CHD9: variants seen among roughly 807,000 people sequenced by gnomAD.
The protein encoded by CHD9 is ATP-dependent chromatin remodeler CHD9.
In CHD9, 77 loss-of-function variants were observed where a neutral mutation model predicts 316.1. The observed-to-expected ratio is 0.24, with a 90% CI of 0.20 to 0.29. CHD9 has a LOEUF of 0.29. Among genes scored for constraint, CHD9 ranks in the 10% least tolerant of loss-of-function variants. The pLI, the probability that CHD9 is intolerant of heterozygous loss-of-function variation, is 1.00. For synonymous variants in CHD9, 1,129 were observed against 1,158.3 expected (o/e 0.97, Z 0.51); for missense variants, 2,763 against 3,438.1 (o/e 0.80, Z 4.91).
At chr16:53,299,386 G>T (rs79217185) in intron 30 of CHD9, 88 of 166,274 alleles carry the variant, frequency 5.3e-4, no homozygotes, top group African/African-American at 2.0e-3. Flanking sequence ...CAGATTAAAA[G>T]GCATTTTAAT....
chr16:53,177,415 G>A (rs1321396421), intron 2 of CHD9, among the ~76,000 whole-genome samples: 7 of 152,026 alleles, frequency 4.6e-5, no homozygotes, highest in Non-Finnish European at 1.0e-4. Flanking sequence ...GGAAAAAAAC[G>A]AAAAAGACAT....
At chr16:53,230,449 A>G (rs897888578) in intron 8 of CHD9, among the ~76,000 whole-genome samples, 1 of 152,110 alleles carries the variant, frequency 6.6e-6, no homozygotes, top group African/African-American at 2.4e-5. Flanking sequence ...TGAGACCTCC[A>G]TCTCTATTTT....
chr16:53,184,136 G>A lies in CHD9; in HGVS notation c.1453-25346G>A, dbSNP rs550846405. 2.6e-5 allele frequency among the ~76,000 whole-genome samples: 4 copies of A among 152,018 alleles called. No homozygotes were observed. The East Asian group carries it at 7.8e-4, about 30-fold the overall frequency. ...ATTTTTTGTGTTTTTAGTAGAGATG[G>A]GGTTTCACCATGTTAGCCAGGATGG... On this transcript the variant is annotated intron_variant, in intron 2 of 38. Transcript: ENST00000447540.
At chr16:53,070,571 T>C (rs2033956032) in intron 1 of CHD9, among the ~76,000 whole-genome samples, 1 of 151,540 alleles carries the variant, frequency 6.6e-6, no homozygotes, top group South Asian at 2.1e-4. Context: ...CTGTCTTTCT[T>C]TTTTTTGGAG....
intron 22 of CHD9, among the ~76,000 whole-genome samples, chr16:53,272,236 A>G (rs1297332213): frequency 2.2e-5 from 3 of 138,944 alleles, no homozygotes; most frequent in Non-Finnish European, 3.2e-5. Flanking sequence ...GAAGGTATCA[A>G]TTGGAATAAA....
intron 1 of CHD9, among the ~76,000 whole-genome samples, chr16:53,144,014 C>CT (rs2040361393): frequency 6.6e-6 from 1 of 151,900 alleles, no homozygotes; most frequent in Non-Finnish European, 1.5e-5. Flanking sequence ...AGATGAGCTC[C>CT]TGAAGTGGGG....
chr16:53,146,425 A>G lies in CHD9; in HGVS notation c.-164-9501A>G, dbSNP rs754612757. Reference sequence around the variant, plus strand: ...AAATTGTGTGTGTGTGTATGTATATATATATATATATAATTAAAAAGTTCC... The same window carrying G: ...AAATTGTGTGTGTGTGTATGTATATGTATATATATATAATTAAAAAGTTCC... On this transcript the variant is annotated intron_variant, in intron 1 of 38. Coordinates refer to ENST00000447540, the MANE Select transcript of CHD9 (RefSeq NM_001308319.2). Among the ~76,000 whole-genome samples the G allele has an allele frequency of 3.2e-4, 41 of 127,112 alleles. 4 individuals are homozygous for G. Among genetic ancestry groups the G allele is most frequent in the African/African-American group, 1.0e-3 (32 of 31,814 alleles). The allele number at this position is 127,112 out of a possible 152,430, so 83.4% of individuals were successfully genotyped here.
At chr16:53,147,148 A>C (rs2040699655) in intron 1 of CHD9, among the ~76,000 whole-genome samples, 1 of 152,206 alleles carries the variant, frequency 6.6e-6, no homozygotes, top group Non-Finnish European at 1.5e-5. Flanking sequence ...GTACTAAGTC[A>C]GAAAAATAAA....
rs8058067 is a variant in CHD9 at position 53,249,756 on chromosome 16, T to C, written c.3666-115T>C. The C allele has an allele frequency of 0.011, 8,780 of 828,696 alleles. 565 individuals are homozygous for C. In the African/African-American group the frequency reaches 0.13, roughly 12 times the overall value. 51.3% of individuals were successfully genotyped at this position (828,696 alleles called of 1,614,324 possible). ...CAGAAACTACTTGAGATGATATTGC[T>C]TCTTAATTTTAGAGAAAACATAATG... On this transcript the variant is annotated intron_variant, in intron 16 of 38. Coordinates refer to ENST00000447540, the MANE Select transcript of CHD9 (RefSeq NM_001308319.2).
chr16:53,137,354 G>T (rs1291969459), intron 1 of CHD9, among the ~76,000 whole-genome samples: 3 of 152,046 alleles, frequency 2.0e-5, no homozygotes, highest in Non-Finnish European at 4.4e-5. Flanking sequence ...TTTTAGTTTT[G>T]CACTATTATG....
chr16:53,161,848 C>A (rs1223606690), intron 2 of CHD9, among the ~76,000 whole-genome samples: 1 of 152,080 alleles, frequency 6.6e-6, no homozygotes, highest in African/African-American at 2.4e-5. Flanking sequence ...GCCTCCTGGG[C>A]TTAAGCGATC....
intron 1 of CHD9, among the ~76,000 whole-genome samples, chr16:53,111,805 T>A (rs2037886843): frequency 6.6e-6 from 1 of 152,218 alleles, no homozygotes; most frequent in Admixed American, 6.5e-5. Flanking sequence ...TTCACAATGA[T>A]CTGCAACTTC....
At chr16:53,155,646 G>A (rs924722759) in intron 1 of CHD9, among the ~76,000 whole-genome samples, 3 of 151,870 alleles carry the variant, frequency 2.0e-5, no homozygotes, top group South Asian at 2.1e-4. Context: ...GAGCATTTTC[G>A]TTACCCCCAA....
intron 2 of CHD9, among the ~76,000 whole-genome samples, chr16:53,157,873 G>T (rs2041631392): frequency 6.6e-6 from 1 of 151,950 alleles, no homozygotes; most frequent in African/African-American, 2.4e-5. Flanking sequence ...ACCAGACTGG[G>T]AAAATTTTAT....
intron 24 of CHD9, among the ~76,000 whole-genome samples, chr16:53,281,955 A>G (rs1255187777): frequency 1.3e-5 from 2 of 152,114 alleles, no homozygotes; most frequent in Admixed American, 1.3e-4. Flanking sequence ...GTTAATTTGT[A>G]TATCTTCTTT....
intron 1 of CHD9, among the ~76,000 whole-genome samples, chr16:53,088,888 C>A (rs184032461): frequency 6.6e-6 from 1 of 151,182 alleles, no homozygotes; most frequent in East Asian, 2.0e-4. Flanking sequence ...CTGAGGCAGG[C>A]GGATCATGAG....
intron 10 of CHD9, among the ~76,000 whole-genome samples, chr16:53,232,074 T>G (rs1352276281): frequency 6.6e-6 from 1 of 152,214 alleles, no homozygotes; most frequent in African/African-American, 2.4e-5. Flanking sequence ...TCATATTGTT[T>G]TATAATAACT....
chr16:53,293,140 T>A, intron 29 of CHD9, 88 bp downstream of exon 29: 2 of 1,150,256 alleles, frequency 1.7e-6, no homozygotes, highest in African/African-American at 3.1e-5. Context: ...TCACGCTTTG[T>A]GGAAAACATA....
At chr16:53,275,107 C>T (rs1317547336) in intron 24 of CHD9, among the ~76,000 whole-genome samples, 1 of 152,208 alleles carries the variant, frequency 6.6e-6, no homozygotes, top group African/African-American at 2.4e-5. Context: ...TACTGGCTCA[C>T]TGCAACCTCC....
Sources: allele counts gnomAD v4.1 joint callset (sites outside exome capture counted in the v4.1 genomes callset), GRCh38; gene constraint gnomAD v4.1.1; transcripts MANE v1.5; gene names NCBI Gene and HGNC (gene_info 2026-07-23, HGNC 2026-07-21).